PLXNA4: variants seen among roughly 807,000 people sequenced by gnomAD.
PLXNA4 encodes plexin A4, also known as plexin-A4.
PLXNA4 carries 44 observed loss-of-function variants against 191.8 expected under a neutral mutation model. The observed-to-expected ratio is 0.23, with a 90% CI of 0.18 to 0.29. The LOEUF (loss-of-function observed/expected upper bound fraction) is 0.29, where lower values mean the gene tolerates loss of function less well. PLXNA4 is among the 10% of genes least tolerant of loss of function. PLXNA4 has a pLI of 1.00. For missense variants in PLXNA4, 1,800 were observed against 2,488.8 expected (o/e 0.72, Z 5.89); for synonymous variants, 1,082 against 1,009.5 (o/e 1.07, Z -1.36).
chr7:132,508,552 C>T lies in PLXNA4; in HGVS notation c.142G>A (p.Ala48Thr), dbSNP rs139738239. 357 of 1,614,130 alleles carry T rather than the reference C, an allele frequency of 2.2e-4. No homozygotes were observed. Among genetic ancestry groups the T allele is most frequent in the Non-Finnish European group, 2.1e-4 (242 of 1,180,016 alleles). Residue 48 changes from alanine to threonine, a missense_variant, in exon 2 of 32, where the codon GCC becomes ACC. Ala to Thr is a moderately conservative substitution (Grantham distance 58). Transcript: ENST00000321063. The surrounding 1 kb of genome is among the most constrained non-coding windows in gnomAD (Gnocchi z 4.4). ...ACCACCAGGTGATTGAAACCCTCGG[C>T]GGGCTCTCCTCGGAATGTGACAAAT... ...RSFVTFRGEP[A>T]EGFNHLVVDE...
intron 3 of PLXNA4, chr7:132,352,236 T>A (rs1803518118): frequency 6.6e-6 from 1 of 152,256 alleles, no homozygotes; most frequent in South Asian, 2.1e-4. Flanking sequence ...CTCCTCCTCC[T>A]CCTCTGATAA....
At chr7:132,223,415 G>C (rs1053573788) in intron 9 of PLXNA4, 112 bp downstream of exon 9, 2 of 846,248 alleles carry the variant, frequency 2.4e-6, no homozygotes, top group South Asian at 1.6e-5. Flanking sequence ...CAGGAAGAAG[G>C]GGGTGGTCCT....
chr7:132,226,462 C>G (rs537183898), intron 7 of PLXNA4, among the ~76,000 whole-genome samples: 1 of 152,212 alleles, frequency 6.6e-6, no homozygotes, highest in Non-Finnish European at 1.5e-5. Flanking sequence ...CCCTGCCCAC[C>G]GTATCACTTC....
At chr7:132,531,781 C>T (rs999212025) in intron 1 of PLXNA4, among the ~76,000 whole-genome samples, 6 of 152,200 alleles carry the variant, frequency 3.9e-5, no homozygotes, top group African/African-American at 9.6e-5. Context: ...GCATTCTTGC[C>T]TGGAGTGATT....
At chr7:132,434,616 T>C (rs1795398026) in intron 3 of PLXNA4, among the ~76,000 whole-genome samples, 1 of 152,252 alleles carries the variant, frequency 6.6e-6, no homozygotes, top group Non-Finnish European at 1.5e-5. Context: ...TGCCATCTGC[T>C]ATCTCTTTTT....
intron 2 of PLXNA4, among the ~76,000 whole-genome samples, chr7:132,584,252 T>C (rs538283520): frequency 4.6e-5 from 7 of 152,252 alleles, no homozygotes; most frequent in Non-Finnish European, 1.0e-4. Context: ...ATATGGACTC[T>C]TTCTATTAAC....
chr7:132,311,193 T>TGTGTGTGTGCGCGC (rs71178034), intron 3 of PLXNA4, among the ~76,000 whole-genome samples: 43 of 89,906 alleles, frequency 4.8e-4, no homozygotes, highest in Middle Eastern at 5.3e-3. Context: ...TGTGTGTGTG[T>TGTGTGTGTGCGCGC]GCGCGTGTGG....
chr7:132,144,067 G>A (rs962585646), intron 29 of PLXNA4, among the ~76,000 whole-genome samples: 1 of 152,180 alleles, frequency 6.6e-6, no homozygotes, highest in African/African-American at 2.4e-5. Flanking sequence ...TAGGTGCCAG[G>A]GTGCTTCGCT....
At chr7:132,609,051 C>T (rs886448612) in intron 2 of PLXNA4, among the ~76,000 whole-genome samples, 1 of 152,194 alleles carries the variant, frequency 6.6e-6, no homozygotes, top group Admixed American at 6.5e-5. Context: ...AAATGCCCCT[C>T]ATCCCTAAAG....
At chr7:132,384,079 T>C in intron 3 of PLXNA4, 1 of 985,454 alleles carries the variant, frequency 1.0e-6, no homozygotes, top group Non-Finnish European at 1.2e-6. Context: ...TCTCCAGCTT[T>C]GGGACTCACT....
intron 1 of PLXNA4, among the ~76,000 whole-genome samples, chr7:132,573,123 T>A (rs1393318898): frequency 6.6e-6 from 1 of 151,600 alleles, no homozygotes; most frequent in African/African-American, 2.4e-5. Context: ...AAGGGAGGTG[T>A]CAAGGGAGGG....
At position 132,194,045 on chromosome 7, in the gene PLXNA4, T is replaced by C. The variant is rs2116821845; in HGVS notation, c.2856+17A>G. ...TGTGGCCTGCACCCAGCCAGATCAC[T>C]GCTGGCCAAGACTCACCATGAAGTA... On this transcript the variant is annotated intron_variant, in intron 14 of 31. Coordinates refer to ENST00000321063, the MANE Select transcript of PLXNA4 (RefSeq NM_020911.2). The C allele has an allele frequency of 6.2e-7, 1 of 1,609,884 alleles. No homozygotes were observed. The highest frequency in any genetic ancestry group is 1.1e-5 in the South Asian group (1 of 90,516).
chr7:132,271,447 A>AAGAAAC (rs1800068614), intron 4 of PLXNA4, among the ~76,000 whole-genome samples: 1 of 151,218 alleles, frequency 6.6e-6, no homozygotes, highest in South Asian at 2.1e-4. Flanking sequence ...AAAAAAAAAA[A>AAGAAAC]GAAACATACC....
At chr7:132,503,141 G>A (rs1465639471) in intron 2 of PLXNA4, among the ~76,000 whole-genome samples, 1 of 151,832 alleles carries the variant, frequency 6.6e-6, no homozygotes, top group Non-Finnish European at 1.5e-5. Flanking sequence ...TGGAGTGAAT[G>A]ACAGTCACTC....
At chr7:132,472,270 G>A (rs188885858) in intron 3 of PLXNA4, among the ~76,000 whole-genome samples, 1 of 152,168 alleles carries the variant, frequency 6.6e-6, no homozygotes, top group Non-Finnish European at 1.5e-5. Context: ...AGAAAATCCA[G>A]ATCTTTTCTC....
chr7:132,143,209 T>A lies in PLXNA4; in HGVS notation c.5225+1910A>T, dbSNP rs182892127. 2.6e-5 allele frequency among the ~76,000 whole-genome samples: 4 copies of A among 152,254 alleles called. No homozygotes were observed. The East Asian group carries it at 7.7e-4, about 29-fold the overall frequency. ...CAAGTCAATATGCAGATCTTAAAAT[T>A]CCCAGACTGTGTCTTCCTCAGCATA... On this transcript the variant is annotated intron_variant, in intron 29 of 31. Coordinates refer to ENST00000321063, the MANE Select transcript of PLXNA4 (RefSeq NM_020911.2).
At chr7:132,523,162 A>G (rs1799257458) in intron 1 of PLXNA4, among the ~76,000 whole-genome samples, 1 of 152,208 alleles carries the variant, frequency 6.6e-6, no homozygotes, top group Admixed American at 6.5e-5. Context: ...TTTTGGTCTC[A>G]CAGAGTTTAC....
rs1798695606 is a variant in PLXNA4 at position 132,511,089 on chromosome 7, G to A, written c.-86-2310C>T. Reference sequence around the variant, plus strand: ...CACAGGGCAGGGCTGGGTCTGTCTTGCTCGTCAACACATTCACAGCTGCAC... The same window carrying A: ...CACAGGGCAGGGCTGGGTCTGTCTTACTCGTCAACACATTCACAGCTGCAC... On this transcript the variant is annotated intron_variant, in intron 1 of 31. Transcript: ENST00000321063. 2.0e-5 allele frequency among the ~76,000 whole-genome samples: 3 copies of A among 152,270 alleles called. No homozygotes were observed. In the South Asian group the frequency reaches 6.2e-4, roughly 32 times the overall value.
Position 132,616,729 on chromosome 7 carries a change from G to A in PLXNA4, c.-87+29199C>T, listed in dbSNP as rs578092795. On this transcript the variant is annotated intron_variant, in intron 2 of 4. Coordinates refer to the PLXNA4 transcript ENST00000378539. ...CAACATTCTATTATGTTCTTCCTGC[G>A]CCCAGTGGATCCTCTTGTGCACCTC... Among the ~76,000 whole-genome samples, 5 of 152,118 alleles carry A rather than the reference G, an allele frequency of 3.3e-5. No individual in the cohort carries two copies. The South Asian group carries it at 6.3e-4, about 19-fold the overall frequency.
Sources: gnomAD v4.1 joint callset for allele counts (sites outside exome capture counted in the v4.1 genomes callset) on GRCh38, gnomAD v4.1.1 for gene constraint, Gnocchi (gnomAD v3.1) non-coding constraint, MANE v1.5 for transcripts, NCBI Gene and HGNC (gene_info 2026-07-23, HGNC 2026-07-21) for gene names.